Variants in PPP6R2 observed in about 807,000 individuals in gnomAD.
The protein encoded by PPP6R2 is serine/threonine-protein phosphatase 6 regulatory subunit 2.
In PPP6R2, 62 loss-of-function variants were observed where a neutral mutation model predicts 100.2. The observed-to-expected ratio is 0.62, with a 90% confidence interval of 0.50 to 0.76. The LOEUF (loss-of-function observed/expected upper bound fraction) is 0.76. Among genes scored for constraint, PPP6R2 ranks in the 30% least tolerant of loss-of-function variants. The pLI is 0.00. For missense variants in PPP6R2, 1,142 were observed against 1,276.3 expected, an observed-to-expected ratio of 0.89 and a Z score of 1.60; for synonymous variants, 525 against 514.7, an observed-to-expected ratio of 1.02 and a Z score of -0.27.
At chr22:50,335,381 G>A in the PPP6R2 span, among the ~76,000 whole-genome samples, 1 of 150,546 alleles carries the variant, frequency 6.6e-6, no homozygotes, top group Admixed American at 6.6e-5. Flanking sequence ...TGTATTTTTA[G>A]TAGTGACGGG....
At chr22:50,355,342 A>G (rs1229552437) in intron 1 of PPP6R2, among the ~76,000 whole-genome samples, 1 of 145,716 alleles carries the variant, frequency 6.9e-6, no homozygotes, top group African/African-American at 2.6e-5. Context: ...GGTTCATGCC[A>G]TTCTCCTGCC....
chr22:50,437,935 C>A, intron 17 of PPP6R2, 35 bp downstream of exon 17: 1 of 1,563,584 alleles, frequency 6.4e-7, no homozygotes, highest in Non-Finnish European at 8.7e-7. Context: ...TGCCGCCACC[C>A]TTTTCCCAGG....
At chr22:50,353,176 T>G (rs1437480767) in intron 1 of PPP6R2, among the ~76,000 whole-genome samples, 2 of 152,240 alleles carry the variant, frequency 1.3e-5, no homozygotes, top group Non-Finnish European at 1.5e-5. Context: ...TCTTTGGCAT[T>G]CACAACTTGG....
Position 50,423,668 on chromosome 22 carries a change from C to A in PPP6R2, c.1125+54C>A. 13 of 1,600,974 alleles carry A rather than the reference C, an allele frequency of 8.1e-6. No individual in the cohort carries two copies. Among genetic ancestry groups the A allele is most frequent in the Non-Finnish European group, 1.1e-5 (13 of 1,170,850 alleles). ...TGTCTGTGAGTGTGCCGGGCATGGCCTGTGGACTTGTCAGGAGCAGCAGAG... is the reference window on the plus strand; with the variant it reads ...TGTCTGTGAGTGTGCCGGGCATGGCATGTGGACTTGTCAGGAGCAGCAGAG... On this transcript the variant is annotated intron_variant, in intron 10 of 23. Transcript: ENST00000612753. This position sits in a 1 kb window ranked among gnomAD's most constrained non-coding sequence, Gnocchi z 4.8.
rs753291177 is a variant in PPP6R2 at position 50,437,596 on chromosome 22, A to G, written c.1774A>G (p.Asn592Asp). The change falls in exon 16 of 24, where the codon AAC becomes GAC. Residue 592 changes from asparagine (N) to aspartate (D), a missense_variant. Physicochemically the swap from Asn to Asp is conservative, Grantham distance 23. Coordinates refer to ENST00000612753, the MANE Select transcript of PPP6R2 (RefSeq NM_001242898.2). ...NDEEFADQDD[N>D]INAPFDRIAE... ...TGAGGAGTTTGCCGACCAGGACGAC[A>G]ACATCAAGTGAGTCTACTTGGAGCG... 7 of 1,607,516 alleles carry G rather than the reference A, an allele frequency of 4.4e-6. No individual in the cohort carries two copies. The highest frequency in any genetic ancestry group is 2.2e-5 in the East Asian group (1 of 44,786).
At position 50,444,988 on chromosome 22, in the gene PPP6R2, T is replaced by G. The variant is rs1260483662; in HGVS notation, c.*741T>G. 6.6e-6 allele frequency: 1 copy of G among 152,364 alleles called. No individual in the cohort carries two copies. The highest frequency in any genetic ancestry group is 6.5e-5 in the Admixed American group (1 of 15,268). 9.4% of individuals were successfully genotyped at this position (152,364 alleles called of 1,614,324 possible). ...TCACGGCCATGTCGTCCTAGAAGGG[T>G]CCAGAAGATTATTTTACGTTGAGTC... On this transcript the variant is annotated 3_prime_UTR_variant, in exon 24 of 24. Transcript: ENST00000612753.
chr22:50,352,307 A>G (rs1363765596), intron 1 of PPP6R2, among the ~76,000 whole-genome samples: 1 of 152,060 alleles, frequency 6.6e-6, no homozygotes, highest in Non-Finnish European at 1.5e-5. Flanking sequence ...TCATGAAACA[A>G]CCTCCGCTAG....
intron 1 of PPP6R2, among the ~76,000 whole-genome samples, chr22:50,363,592 A>T (rs2048194473): frequency 2.0e-5 from 3 of 152,158 alleles, no homozygotes; most frequent in Admixed American, 2.0e-4. Flanking sequence ...TAGAGTCAGG[A>T]GCTGGCAACC....
chr22:50,419,477 G>A lies in PPP6R2; in HGVS notation c.845+15G>A, dbSNP rs1409332988. On this transcript the variant is annotated intron_variant, in intron 8 of 23. Coordinates refer to ENST00000612753, the MANE Select transcript of PPP6R2 (RefSeq NM_001242898.2). ...AGGCGGGTTGGGTGAGTCTCACGAG[G>A]AGAAATCGTGTAGAGCTGAACTTGA... 3 of 1,584,424 alleles carry A rather than the reference G, an allele frequency of 1.9e-6. No homozygotes were observed. Among genetic ancestry groups the A allele is most frequent in the South Asian group, 1.1e-5 (1 of 90,278 alleles).
chr22:50,341,841 A>C (rs1189055226), upstream of PPP6R2, among the ~76,000 whole-genome samples: 1 of 151,930 alleles, frequency 6.6e-6, no homozygotes, highest in Non-Finnish European at 1.5e-5. Context: ...AAAAATACAA[A>C]AATTAGCCGG....
chr22:50,356,352 G>T (rs148499914), intron 1 of PPP6R2, among the ~76,000 whole-genome samples: 1 of 149,542 alleles, frequency 6.7e-6, no homozygotes. Context: ...ATCTCGGCTG[G>T]AATGCAGTGG....
chr22:50,415,888 T>C (rs6520165), intron 5 of PPP6R2, among the ~76,000 whole-genome samples: 58,563 of 152,082 alleles, frequency 0.39, 11,716 homozygotes, highest in East Asian at 0.67. Context: ...ATGGTGGTCA[T>C]CCTTTATCAT....
chr22:50,348,182 G>A (rs374058829), intron 1 of PPP6R2, among the ~76,000 whole-genome samples: 1 of 152,168 alleles, frequency 6.6e-6, no homozygotes, highest in Non-Finnish European at 1.5e-5. Context: ...TCATTAAGCC[G>A]TTCCTTGCAG....
chr22:50,421,541 TA>T (rs2061337583), intron 8 of PPP6R2, among the ~76,000 whole-genome samples: 1 of 152,182 alleles, frequency 6.6e-6, no homozygotes, highest in African/African-American at 2.4e-5. Flanking sequence ...CATATTACTT[TA>T]AAAAATATAT....
chr22:50,388,495 G>A (rs1398788069), intron 2 of PPP6R2, among the ~76,000 whole-genome samples: 2 of 152,010 alleles, frequency 1.3e-5, no homozygotes, highest in African/African-American at 2.4e-5. Context: ...AAGCCCAGGA[G>A]TTCAAGACTG....
rs199886430 is a variant in PPP6R2 at position 50,384,046 on chromosome 22, A to AAAAG, written c.-16-9844_-16-9843insGAAA. Among the ~76,000 whole-genome samples, 88 of 151,690 alleles carry AAAAG rather than the reference A, an allele frequency of 5.8e-4. 3 individuals are homozygous for AAAAG. The highest frequency in any genetic ancestry group is 3.7e-3 in the Admixed American group (56 of 15,196). ...GCGAGACTCCATCTCAAAAAAAAAA[A>AAAAG]AAAAAAAAGAAGGATGAACACCTTT... On this transcript the variant is annotated intron_variant, in intron 2 of 23. Transcript: ENST00000612753.
chr22:50,368,014 CCT>C (rs2049118353), intron 1 of PPP6R2, among the ~76,000 whole-genome samples: 1 of 152,218 alleles, frequency 6.6e-6, no homozygotes, highest in Admixed American at 6.5e-5. Flanking sequence ...CCGGCCCTTC[CCT>C]GTTTGGTAGC....
chr22:50,418,857 G>A lies in PPP6R2; in HGVS notation c.619-10G>A, dbSNP rs763422464. On this transcript the variant is annotated splice_polypyrimidine_tract_variant and intron_variant, in intron 6 of 23. Coordinates refer to ENST00000612753, the MANE Select transcript of PPP6R2 (RefSeq NM_001242898.2). Reference sequence around the variant, plus strand: ...CACTGAGGGACTCTGTGTTTCCCTTGTCTTTTCAGAGGCAGTCAAATGCTT... The same window carrying A: ...CACTGAGGGACTCTGTGTTTCCCTTATCTTTTCAGAGGCAGTCAAATGCTT... 17 of 1,601,988 alleles carry A rather than the reference G, an allele frequency of 1.1e-5. No homozygotes were observed. In the South Asian group the frequency reaches 1.9e-4, roughly 18 times the overall value.
chr22:50,412,285 G>T (rs1194039491), intron 4 of PPP6R2, among the ~76,000 whole-genome samples: 1 of 151,194 alleles, frequency 6.6e-6, no homozygotes, highest in Admixed American at 6.6e-5. Flanking sequence ...TCTGCCTCCT[G>T]GGTTCAAGCA....
Sources: allele counts gnomAD v4.1 joint callset (sites outside exome capture counted in the v4.1 genomes callset), GRCh38; gene constraint gnomAD v4.1.1; non-coding constraint Gnocchi (gnomAD v3.1); transcripts MANE v1.5; gene names NCBI Gene and HGNC (gene_info 2026-07-23, HGNC 2026-07-21).